Variants in PFKFB3 observed in about 807,000 individuals in gnomAD.
The protein encoded by PFKFB3 is 6-phosphofructo-2-kinase/fructose-2,6-biphosphatase 3.
A neutral mutation model predicts 68.0 loss-of-function variants in PFKFB3; 33 were observed. The observed-to-expected ratio is 0.49, with a 90% CI of 0.37 to 0.65. PFKFB3 has a LOEUF of 0.65. Ranked by LOEUF, PFKFB3 falls within the 30% of genes least tolerant of loss-of-function variation. PFKFB3 has a pLI of 0.00. For synonymous variants in PFKFB3, 315 were observed against 288.2 expected (o/e 1.09, Z -0.94); for missense variants, 586 against 712.2 (o/e 0.82, Z 2.02).
the PFKFB3 span, among the ~76,000 whole-genome samples, chr10:6,288,359 C>G: frequency 7.3e-5 from 8 of 110,046 alleles, no homozygotes; most frequent in Non-Finnish European, 1.4e-4. Context: ...CCCCCTCCCC[C>G]CACCCCACAA....
chr10:6,220,905 G>C lies in PFKFB3; in HGVS notation c.831+40G>C. ...GCCGCATGGGCCGTTCTGGCTGTAG[G>C]GCGGTTGCAGGGTCTATAGGGTGGG... On this transcript the variant is annotated intron_variant, in intron 8 of 14. Coordinates refer to ENST00000379775, the MANE Select transcript of PFKFB3 (RefSeq NM_004566.4). The surrounding 1 kb of genome is among the most constrained non-coding windows in gnomAD (Gnocchi z 4.1). 6.3e-7 allele frequency: 1 copy of C among 1,584,942 alleles called. No individual in the cohort carries two copies. The highest frequency in any genetic ancestry group is 8.6e-7 in the Non-Finnish European group (1 of 1,162,050).
rs112875242 is a variant in PFKFB3, at chr10:6,215,067, G to T, written c.203-154G>T. Among the ~76,000 whole-genome samples, 78 of 152,304 alleles carry T rather than the reference G, an allele frequency of 5.1e-4. No individual in the cohort carries two copies. Among genetic ancestry groups the T allele is most frequent in the African/African-American group, 1.8e-3 (76 of 41,562 alleles). On this transcript the variant is annotated intron_variant, in intron 2 of 14. Coordinates refer to ENST00000379775, the MANE Select transcript of PFKFB3 (RefSeq NM_004566.4). This position sits in a 1 kb window ranked among gnomAD's most constrained non-coding sequence, Gnocchi z 4.3. Reference sequence around the variant, plus strand: ...GCTGTCCTCAGGAGTTGAGGGTAGCGTAGGACTGGGCGCCGGCATTGCTTC... The same window carrying T: ...GCTGTCCTCAGGAGTTGAGGGTAGCTTAGGACTGGGCGCCGGCATTGCTTC...
At chr10:6,303,150 C>T in the PFKFB3 span, among the ~76,000 whole-genome samples, 20 of 152,120 alleles carry the variant, frequency 1.3e-4, no homozygotes, top group African/African-American at 4.8e-4. Flanking sequence ...AAAATTCACC[C>T]TAAACTCTTT....
intron 1 of PFKFB3, among the ~76,000 whole-genome samples, chr10:6,164,169 G>A (rs1456052305): frequency 2.0e-5 from 3 of 152,086 alleles, no homozygotes; most frequent in African/African-American, 7.2e-5. Flanking sequence ...AGAAGTGGGC[G>A]GCCCACCCCA....
chr10:6,253,888 A>ACAAAAATT (rs1305911326), intron 14 of PFKFB3, among the ~76,000 whole-genome samples: 1 of 152,134 alleles, frequency 6.6e-6, no homozygotes, highest in Non-Finnish European at 1.5e-5. Context: ...TAAAAAATAT[A>ACAAAAATT]CAAAAATTAG....
At chr10:6,284,072 A>G in the PFKFB3 span, among the ~76,000 whole-genome samples, 1 of 152,122 alleles carries the variant, frequency 6.6e-6, no homozygotes, top group Non-Finnish European at 1.5e-5. Context: ...CTTCAGCGTT[A>G]TATTTGTTAA....
chr10:6,300,890 C>T, the PFKFB3 span, among the ~76,000 whole-genome samples: 9 of 152,224 alleles, frequency 5.9e-5, no homozygotes, highest in South Asian at 1.0e-3. Context: ...AGGGTAATTA[C>T]GCAGGATTTG....
At chr10:6,158,566 T>C (rs1841875644) in intron 1 of PFKFB3, among the ~76,000 whole-genome samples, 1 of 152,102 alleles carries the variant, frequency 6.6e-6, no homozygotes, top group Admixed American at 6.6e-5. Context: ...TGGTGTAAAG[T>C]TGAAATTCAC....
At chr10:6,219,943 A>T (rs952919354) in intron 7 of PFKFB3, among the ~76,000 whole-genome samples, 4 of 152,184 alleles carry the variant, frequency 2.6e-5, no homozygotes, top group African/African-American at 9.7e-5. Flanking sequence ...ACAATCCTTG[A>T]TGACAAATCA....
In PFKFB3 at chr10:6,151,774, G is replaced by T. The variant is rs575594996; in HGVS notation, c.16+6761G>T. On this transcript the variant is annotated intron_variant, in intron 1 of 14. Coordinates refer to the PFKFB3 transcript ENST00000379789. ...TCAAAAGGAAGTGAGAAAGAGGAAG[G>T]TCTTGCCTAGGCATGGGGTAGACCT... Among the ~76,000 whole-genome samples the T allele has an allele frequency of 2.6e-5, 4 of 152,270 alleles. No individual in the cohort carries two copies. In the East Asian group the frequency reaches 7.7e-4, roughly 29 times the overall value.
Position 6,219,668 on chromosome 10 carries a change from C to A in PFKFB3, c.598C>A (p.Pro200Thr), listed in dbSNP as rs764167016. The change falls in exon 7 of 15, where the codon CCC becomes ACC. Residue 200 changes from proline (P) to threonine (T), a missense_variant. Pro to Thr is a conservative substitution (Grantham distance 38). Coordinates refer to ENST00000379775, the MANE Select transcript of PFKFB3 (RefSeq NM_004566.4). ...RISCYEASYQ[P>T]LDPDKCDRDL... is the part of the protein sequence containing the mutation. ...CAGTTGCTATGAAGCCAGCTACCAG[C>A]CCCTCGACCCCGACAAATGCGACAG... is the stretch of plus-strand genomic sequence containing the variant. The A allele has an allele frequency of 1.9e-6, 3 of 1,613,870 alleles. No individual in the cohort carries two copies. The highest frequency in any genetic ancestry group is 1.7e-5 in the Admixed American group (1 of 60,008).
chr10:6,231,402 C>T (rs774575285), intron 14 of PFKFB3: 5 of 1,588,810 alleles, frequency 3.1e-6, no homozygotes, highest in Non-Finnish European at 4.3e-6. Flanking sequence ...CAATGCGGGG[C>T]TCATCTGTCT....
At position 6,220,846 on chromosome 10, in the gene PFKFB3, T is replaced by C. The variant is rs779109196; in HGVS notation, c.812T>C (p.Leu271Pro). The C allele has an allele frequency of 6.2e-7, 1 of 1,612,020 alleles. No individual in the cohort carries two copies. The highest frequency in any genetic ancestry group is 8.5e-7 in the Non-Finnish European group (1 of 1,179,936). Residue 271 changes from leucine to proline, a missense_variant, in exon 8 of 15, where the codon CTG becomes CCG. Coordinates refer to ENST00000379775, the MANE Select transcript of PFKFB3 (RefSeq NM_004566.4). The surrounding 1 kb of genome is among the most constrained non-coding windows in gnomAD (Gnocchi z 4.1). ...LQGRIGGDSG[L>P]SSRGKKFASA... ...GGCCGCATCGGGGGCGACTCAGGCC[T>C]GTCCAGCCGGGGCAAGAAGGTGCGG...
chr10:6,243,717 A>G (rs1322812890), intron 14 of PFKFB3, among the ~76,000 whole-genome samples: 1 of 152,042 alleles, frequency 6.6e-6, no homozygotes, highest in Non-Finnish European at 1.5e-5. Context: ...TGTGTCAGCT[A>G]TTTCTTTCCT....
chr10:6,205,049 T>C (rs78312231), intron 1 of PFKFB3, among the ~76,000 whole-genome samples: 2,496 of 152,292 alleles, frequency 0.016, 73 homozygotes, highest in East Asian at 0.13. Context: ...TCACACGCAG[T>C]GAGAGATTTG....
At chr10:6,324,820 GA>G in the PFKFB3 span, among the ~76,000 whole-genome samples, 53 of 143,086 alleles carry the variant, frequency 3.7e-4, no homozygotes, top group Admixed American at 4.9e-4. Context: ...CAATTTAAAG[GA>G]AAAAAAAAAA....
At chr10:6,198,107 A>T (rs1430804549), upstream of PFKFB3, among the ~76,000 whole-genome samples, 2 of 152,238 alleles carry the variant, frequency 1.3e-5, no homozygotes, top group African/African-American at 4.8e-5. Flanking sequence ...TTAGCCAAGC[A>T]TGGTGGCACA....
At chr10:6,245,373 G>T (rs1364536497) in intron 14 of PFKFB3, among the ~76,000 whole-genome samples, 1 of 151,056 alleles carries the variant, frequency 6.6e-6, no homozygotes, top group Non-Finnish European at 1.5e-5. Flanking sequence ...AGGATTACTG[G>T]CATGAGCTAC....
chr10:6,301,878 A>T, the PFKFB3 span, among the ~76,000 whole-genome samples: 4 of 152,226 alleles, frequency 2.6e-5, no homozygotes, highest in Non-Finnish European at 5.9e-5. Flanking sequence ...TGAGAGTCAC[A>T]TGCTTTATTA....
Sources: gnomAD v4.1 joint callset for allele counts (sites outside exome capture counted in the v4.1 genomes callset) on GRCh38, gnomAD v4.1.1 for gene constraint, Gnocchi (gnomAD v3.1) non-coding constraint, MANE v1.5 for transcripts, NCBI Gene and HGNC (gene_info 2026-07-23, HGNC 2026-07-21) for gene names.